The following ZNF675 variants were observed in gnomAD, a reference collection of about 807,000 sequenced individuals.
ZNF675 encodes the protein TRAF6 inhibitory zinc finger.
In ZNF675, 36 loss-of-function variants were observed where a neutral mutation model predicts 56.1. The observed-to-expected ratio is 0.64, with a 90% CI of 0.49 to 0.85. ZNF675 has a LOEUF of 0.85. Among genes scored for constraint, ZNF675 ranks in the 40% least tolerant of loss-of-function variants. ZNF675 has a pLI of 0.00. For missense variants in ZNF675, 663 were observed against 654.2 expected (o/e 1.01, Z -0.15); for synonymous variants, 200 against 218.9 (o/e 0.91, Z 0.76).
chr19:23,678,162 C>T (rs1481423386), intron 1 of ZNF675, among the ~76,000 whole-genome samples: 1 of 151,568 alleles, frequency 6.6e-6, no homozygotes, highest in Non-Finnish European at 1.5e-5. Flanking sequence ...AATGGAAAAT[C>T]ATTTTGTGCT....
chr19:23,655,570 A>G lies in ZNF675; in HGVS notation c.227-864T>C, dbSNP rs557289224. On this transcript the variant is annotated intron_variant, in intron 3 of 3. Transcript: ENST00000359788. ...ACAAGAAGATAGTGCCAAGCCATTC[A>G]TGAGGAACTTTCCCTCATGACCTAA... 3 of 152,126 alleles carry G rather than the reference A, an allele frequency of 2.0e-5. No homozygotes were observed. In the East Asian group the frequency reaches 5.8e-4, roughly 29 times the overall value. The allele number at this position is 152,126 out of a possible 1,614,324, so 9.4% of individuals were successfully genotyped here.
At position 23,687,046 on chromosome 19, in the gene ZNF675, AG is replaced by A. The variant is rs746581098; in HGVS notation, c.-14del. Reference sequence around the variant, plus strand: ...TAACTCTCACCATTTCTAGGCTTCCAGGGGGTCCTGGAGTCTTAGCTGTGGA... The same window carrying A: ...TAACTCTCACCATTTCTAGGCTTCCAGGGGTCCTGGAGTCTTAGCTGTGGA... On this transcript the variant is annotated 5_prime_UTR_variant, in exon 1 of 4. Transcript: ENST00000359788. 7 of 1,613,274 alleles carry A rather than the reference AG, an allele frequency of 4.3e-6. No individual in the cohort carries two copies. The highest frequency in any genetic ancestry group is 5.9e-6 in the Non-Finnish European group (7 of 1,179,592).
chr19:23,654,655 T>C lies in ZNF675; in HGVS notation c.278A>G (p.Asp93Gly). Residue 93 changes from aspartate to glycine, a missense_variant, in exon 4 of 4, where the codon GAT becomes GGT. Asp to Gly is a moderately conservative substitution (Grantham distance 94). Around this residue, in one of 3 missense-constraint regions of ZNF675, gnomAD observed 617 missense variants for 590.5 expected, o/e 1.04. Coordinates refer to ENST00000359788, the MANE Select transcript of ZNF675 (RefSeq NM_138330.3). ...TCTCAGTGTCACTTTTTCAAAAGAATCTTTTATGTTCTGCTCTGGCCAAAA... is the reference window on the plus strand; with the variant it reads ...TCTCAGTGTCACTTTTTCAAAAGAACCTTTTATGTTCTGCTCTGGCCAAAA... The part of the protein sequence containing the change: ...QEFWPEQNIK[D>G]SFEKVTLRRY... 6.3e-7 allele frequency: 1 copy of C among 1,590,294 alleles called. No individual in the cohort carries two copies. Among genetic ancestry groups the C allele is most frequent in the Non-Finnish European group, 8.5e-7 (1 of 1,170,316 alleles).
chr19:23,661,847 A>C (rs929288130), intron 3 of ZNF675: 2 of 275,346 alleles, frequency 7.3e-6, no homozygotes, highest in Admixed American at 4.8e-5. Context: ...TTCAGATTGC[A>C]CAGTCTCTTG....
At chr19:23,680,279 G>A (rs1968359902) in intron 1 of ZNF675, among the ~76,000 whole-genome samples, 1 of 151,636 alleles carries the variant, frequency 6.6e-6, no homozygotes, top group Non-Finnish European at 1.5e-5. Context: ...ACTCTAGCCT[G>A]GGGACAAAGC....
intron 1 of ZNF675, among the ~76,000 whole-genome samples, chr19:23,664,512 C>T (rs1161565123): frequency 3.3e-5 from 5 of 152,208 alleles, no homozygotes; most frequent in Non-Finnish European, 5.9e-5. Context: ...AATGAAAATA[C>T]GGACCACACT....
intron 1 of ZNF675, among the ~76,000 whole-genome samples, chr19:23,683,937 T>C (rs975062027): frequency 3.3e-5 from 5 of 152,090 alleles, no homozygotes; most frequent in Non-Finnish European, 7.3e-5. Context: ...TTTCAAATGC[T>C]ACTAATAAAA....
At position 23,654,508 on chromosome 19, in the gene ZNF675, T is replaced by C; in HGVS notation, c.425A>G (p.Lys142Arg). 1 of 1,604,856 alleles carries C rather than the reference T, an allele frequency of 6.2e-7. No individual in the cohort carries two copies. Among genetic ancestry groups the C allele is most frequent in the Non-Finnish European group, 8.5e-7 (1 of 1,175,698 alleles). Residue 142 changes from lysine to arginine, a missense_variant, in exon 4 of 4, where the codon AAA becomes AGA. This residue lies in a region of ZNF675 where 617 missense variants were observed against 590.5 expected (regional missense o/e 1.04). Transcript: ENST00000359788. ...CACATATTTATCACATTGAAACATT[T>C]TGCTCTGCATAGTTGGTAAACATTG... ...LNQCLPTMQS[K>R]MFQCDKYVKV...
At position 23,653,787 on chromosome 19, in the gene ZNF675, A is replaced by T. The variant is rs1967942921; in HGVS notation, c.1146T>A (p.Asn382Lys). The T allele has an allele frequency of 6.2e-7, 1 of 1,609,652 alleles. No individual in the cohort carries two copies. Among genetic ancestry groups the T allele is most frequent in the Non-Finnish European group, 8.5e-7 (1 of 1,178,762 alleles). The change falls in exon 4 of 4, where the codon AAT becomes AAA. Residue 382 changes from asparagine to lysine, a missense_variant. This residue lies in a region of ZNF675 where 617 missense variants were observed against 590.5 expected (regional missense o/e 1.04). Transcript: ENST00000359788. ...ECGKAFNRSS[N>K]LTEHRKIHTE... ...TATGAATTTTCCTATGTTCCGTAAG[A>T]TTTGAGGATCGGTTAAAAGCTTTGC...
intron 1 of ZNF675, among the ~76,000 whole-genome samples, chr19:23,676,761 A>T (rs1351963425): frequency 2.6e-5 from 4 of 151,850 alleles, no homozygotes; most frequent in African/African-American, 9.7e-5. Flanking sequence ...ACAAGTTGCA[A>T]ACATTTTTTT....
chr19:23,674,137 A>G (rs547120958), intron 1 of ZNF675, among the ~76,000 whole-genome samples: 1 of 151,718 alleles, frequency 6.6e-6, no homozygotes, highest in South Asian at 2.1e-4. Context: ...CGGGAGGCAG[A>G]GGTTGCAGTG....
intron 1 of ZNF675, among the ~76,000 whole-genome samples, chr19:23,667,010 C>T (rs1046237373): frequency 3.3e-5 from 5 of 152,104 alleles, no homozygotes; most frequent in South Asian, 4.1e-4. Context: ...ACAATGAAGC[C>T]GCGGACCCTC....
chr19:23,675,982 CAAA>C (rs34823777), intron 1 of ZNF675, among the ~76,000 whole-genome samples: 1 of 134,718 alleles, frequency 7.4e-6, no homozygotes, highest in Non-Finnish European at 1.6e-5. Flanking sequence ...AGAGAAGATC[CAAA>C]AAAAAAAAAA....
chr19:23,661,065 G>A (rs1968070531), intron 3 of ZNF675, among the ~76,000 whole-genome samples: 1 of 151,914 alleles, frequency 6.6e-6, no homozygotes, highest in Non-Finnish European at 1.5e-5. Context: ...GAGTAGCTGG[G>A]ATTACAGATG....
At position 23,658,964 on chromosome 19, in the gene ZNF675, G is replaced by GATATAGATCTATAGATACCGATCT. The variant is rs1282498511; in HGVS notation, c.226+3149_226+3150insAGATCGGTATCTATAGATCTATAT. ...AGATATAGATCTCTAGAGATCTATA[G>GATATAGATCTATAGATACCGATCT]ATAGATATAGATCTAGAGATAGAGA... On this transcript the variant is annotated intron_variant, in intron 3 of 3. Coordinates refer to ENST00000359788, the MANE Select transcript of ZNF675 (RefSeq NM_138330.3). 0.034 allele frequency among the ~76,000 whole-genome samples: 302 copies of GATATAGATCTATAGATACCGATCT among 8,764 alleles called. 14 individuals are homozygous for GATATAGATCTATAGATACCGATCT. The East Asian group carries it at 0.52, about 15-fold the overall frequency. 5.7% of individuals were successfully genotyped at this position (8,764 alleles called of 152,430 possible).
rs1968454289 is a variant in ZNF675 at position 23,687,109 on chromosome 19, T to C, written c.-76A>G. The C allele has an allele frequency of 3.2e-6, 5 of 1,569,856 alleles. No individual in the cohort carries two copies. Among genetic ancestry groups the C allele is most frequent in the Non-Finnish European group, 4.4e-6 (5 of 1,141,016 alleles). On this transcript the variant is annotated 5_prime_UTR_variant, in exon 1 of 4. Coordinates refer to ENST00000359788, the MANE Select transcript of ZNF675 (RefSeq NM_138330.3). The stretch of plus-strand genomic sequence containing the variant: ...CTGCAGGTCACAGGCCCACAGAGGC[T>C]GGACCTCTAGGAGCAGAGGACACAG...
chr19:23,672,781 A>G (rs2144942582), intron 1 of ZNF675, among the ~76,000 whole-genome samples: 1 of 152,318 alleles, frequency 6.6e-6, no homozygotes, highest in Admixed American at 6.5e-5. Context: ...AAGCTTGAGG[A>G]TTATAACATG....
In ZNF675 at chr19:23,654,532, T is replaced by C. The variant is rs777884619; in HGVS notation, c.401A>G (p.Gln134Arg). Reference protein sequence around the residue: ...LHKGGYNGLNQCLPTMQSKMF... With the variant: ...LHKGGYNGLNRCLPTMQSKMF... ...TTTGCTCTGCATAGTTGGTAAACAT[T>C]GGTTAAGTCCATTATAACCTCCCTT... Residue 134 changes from glutamine (Q) to arginine (R), a missense_variant, in exon 4 of 4, where the codon CAA (glutamine) becomes CGA (arginine). Gln to Arg is a conservative substitution (Grantham distance 43, BLOSUM62 1). Transcript: ENST00000359788. 1.6e-5 allele frequency: 26 copies of C among 1,605,708 alleles called. No homozygotes were observed. The highest frequency in any genetic ancestry group is 2.1e-5 in the Non-Finnish European group (25 of 1,176,230).
At chr19:23,661,527 C>T (rs1165480104) in intron 3 of ZNF675, among the ~76,000 whole-genome samples, 1 of 151,876 alleles carries the variant, frequency 6.6e-6, no homozygotes, top group Non-Finnish European at 1.5e-5. Flanking sequence ...CCCATCTCTA[C>T]TAAAAACACA....
Sources: allele counts gnomAD v4.1 joint callset (sites outside exome capture counted in the v4.1 genomes callset), GRCh38; gene constraint gnomAD v4.1.1; regional missense constraint gnomAD v4.1.1; transcripts MANE v1.5; gene names NCBI Gene and HGNC (gene_info 2026-07-23, HGNC 2026-07-21).